The following PTPRT variants were observed in gnomAD, a reference collection of about 807,000 sequenced individuals.
PTPRT encodes receptor-type tyrosine-protein phosphatase T.
In PTPRT, 56 loss-of-function variants were observed where a neutral mutation model predicts 176.8. The ratio of observed to expected loss-of-function variants is 0.32; its 90% confidence interval spans 0.26 to 0.40. PTPRT has a LOEUF of 0.40. Among genes scored for constraint, PTPRT ranks in the 10% least tolerant of loss-of-function variants. The pLI is 1.00. For synonymous variants in PTPRT, 783 were observed against 739.0 expected, an observed-to-expected ratio of 1.06 and a Z score of -0.96; for missense variants, 1,540 against 1,908.2, an observed-to-expected ratio of 0.81 and a Z score of 3.60.
intron 12 of PTPRT, among the ~76,000 whole-genome samples, chr20:42,292,304 ATT>A (rs527629031): frequency 8.6e-4 from 125 of 144,884 alleles, no homozygotes; most frequent in African/African-American, 3.0e-3. Flanking sequence ...AGCACTAAGA[ATT>A]TTTTTTTTTT....
intron 11 of PTPRT, among the ~76,000 whole-genome samples, chr20:42,335,411 T>C (rs145332626): frequency 2.0e-3 from 299 of 150,644 alleles, no homozygotes; most frequent in Admixed American, 4.0e-3. Context: ...TAAGCAATGC[T>C]TCCAACATGA....
chr20:42,599,774 A>T (rs2073743411), intron 7 of PTPRT, among the ~76,000 whole-genome samples: 1 of 152,166 alleles, frequency 6.6e-6, no homozygotes, highest in Non-Finnish European at 1.5e-5. Flanking sequence ...CATTAATTTT[A>T]CATTTGTAAT....
At chr20:42,354,783 T>C (rs1346585592) in intron 9 of PTPRT, among the ~76,000 whole-genome samples, 1 of 152,244 alleles carries the variant, frequency 6.6e-6, no homozygotes, top group African/African-American at 2.4e-5. Context: ...TTACTGGCAA[T>C]GGCACCAAGT....
At chr20:42,099,098 C>T (rs1056868002) in intron 26 of PTPRT, among the ~76,000 whole-genome samples, 5 of 152,206 alleles carry the variant, frequency 3.3e-5, no homozygotes, top group Non-Finnish European at 5.9e-5. Context: ...ATTAATAGTC[C>T]GGTAGACCTG....
the PTPRT span, among the ~76,000 whole-genome samples, chr20:42,051,710 C>T: frequency 0.64 from 97,137 of 152,060 alleles, 32,356 homozygotes; most frequent in African/African-American, 0.82. Context: ...TATTCTCAAT[C>T]ACCATCTACG....
chr20:42,824,198 T>A (rs1045943886), intron 2 of PTPRT, among the ~76,000 whole-genome samples: 1 of 152,128 alleles, frequency 6.6e-6, no homozygotes, highest in Non-Finnish European at 1.5e-5. Flanking sequence ...ATCACAAAAA[T>A]AATTTGAGCA....
chr20:42,316,282 G>C (rs2057720926), intron 11 of PTPRT, among the ~76,000 whole-genome samples: 1 of 152,136 alleles, frequency 6.6e-6, no homozygotes, highest in Admixed American at 6.5e-5. Flanking sequence ...CTTAGTAAAT[G>C]GTAGCAGCAT....
At chr20:43,025,978 T>C (rs917640682) in intron 1 of PTPRT, among the ~76,000 whole-genome samples, 1 of 152,188 alleles carries the variant, frequency 6.6e-6, no homozygotes, top group Non-Finnish European at 1.5e-5. Flanking sequence ...ATCATTCACT[T>C]GGATGTTTAG....
At chr20:42,066,606 A>C in the PTPRT span, among the ~76,000 whole-genome samples, 2 of 152,222 alleles carry the variant, frequency 1.3e-5, no homozygotes, top group Non-Finnish European at 2.9e-5. Context: ...CAGCTCACTC[A>C]TGAAACTACC....
At chr20:42,205,755 T>G (rs1458757501) in intron 15 of PTPRT, among the ~76,000 whole-genome samples, 1 of 152,022 alleles carries the variant, frequency 6.6e-6, no homozygotes, top group Non-Finnish European at 1.5e-5. Flanking sequence ...AATCTCCAGA[T>G]AAACTTTCCT....
the PTPRT span, among the ~76,000 whole-genome samples, chr20:42,047,409 C>T: frequency 1.3e-5 from 2 of 152,216 alleles, no homozygotes; most frequent in African/African-American, 4.8e-5. Flanking sequence ...CCTTTGAAGA[C>T]AGGCCACCAG....
At chr20:42,601,613 C>T (rs760721517) in intron 7 of PTPRT, among the ~76,000 whole-genome samples, 54 of 152,220 alleles carry the variant, frequency 3.5e-4, no homozygotes, top group South Asian at 6.2e-4. Flanking sequence ...TATAAGAGTT[C>T]GTTAGGGATG....
intron 7 of PTPRT, among the ~76,000 whole-genome samples, chr20:42,580,536 G>T (rs934905985): frequency 1.3e-5 from 2 of 152,142 alleles, no homozygotes; most frequent in African/African-American, 4.8e-5. Context: ...CTATCCATGA[G>T]CATGGAATGT....
chr20:42,290,165 T>C (rs1273530809), intron 12 of PTPRT, among the ~76,000 whole-genome samples: 1 of 152,002 alleles, frequency 6.6e-6, no homozygotes, highest in South Asian at 2.1e-4. Flanking sequence ...ATTATATAAG[T>C]CTCTGGGGAA....
At chr20:43,092,289 G>A (rs181269064) in intron 1 of PTPRT, among the ~76,000 whole-genome samples, 42 of 152,264 alleles carry the variant, frequency 2.8e-4, no homozygotes, top group Non-Finnish European at 4.7e-4. Flanking sequence ...TGTACTCATC[G>A]GCTTCCATCC....
At chr20:42,917,521 G>A (rs1389962734) in intron 1 of PTPRT, among the ~76,000 whole-genome samples, 2 of 152,112 alleles carry the variant, frequency 1.3e-5, no homozygotes, top group African/African-American at 4.8e-5. Flanking sequence ...AGCTTCATGG[G>A]GATGGCATTG....
intron 12 of PTPRT, among the ~76,000 whole-genome samples, chr20:42,305,834 T>C (rs2057539354): frequency 6.6e-6 from 1 of 152,206 alleles, no homozygotes. Flanking sequence ...CTAAAACCCA[T>C]GGATACCATT....
intron 17 of PTPRT, among the ~76,000 whole-genome samples, chr20:42,152,858 G>A (rs986082013): frequency 3.3e-5 from 5 of 152,180 alleles, no homozygotes; most frequent in African/African-American, 1.2e-4. Context: ...ACTGTGCAAC[G>A]GGTGTAAGAT....
At chr20:42,616,060 T>A (rs1420609890) in intron 7 of PTPRT, among the ~76,000 whole-genome samples, 6 of 131,768 alleles carry the variant, frequency 4.6e-5, no homozygotes, top group Non-Finnish European at 7.9e-5. Flanking sequence ...CTAGGGTTTT[T>A]ATGGTTTTAG....
Sources: allele counts gnomAD v4.1 joint callset (sites outside exome capture counted in the v4.1 genomes callset), GRCh38; gene constraint gnomAD v4.1.1; transcripts MANE v1.5; gene names NCBI Gene and HGNC (gene_info 2026-07-23, HGNC 2026-07-21).